ATR: variants seen among roughly 807,000 people sequenced by gnomAD.
ATR encodes serine/threonine-protein kinase ATR.
Under a neutral mutation model 305.3 loss-of-function variants are expected in ATR, and 142 were observed. The observed-to-expected ratio is 0.47, with a 90% CI of 0.41 to 0.53. ATR has a LOEUF of 0.53. Ranked by LOEUF, ATR falls within the 20% of genes least tolerant of loss-of-function variation. ATR has a pLI of 0.00. For synonymous variants in ATR, 1,050 were observed against 1,068.1 expected, an observed-to-expected ratio of 0.98 and a Z score of 0.33; for missense variants, 2,135 against 3,133.1, an observed-to-expected ratio of 0.68 and a Z score of 7.60.
intron 16 of ATR, among the ~76,000 whole-genome samples, chr3:142,545,890 T>C (rs1338442764): frequency 1.3e-5 from 2 of 152,080 alleles, no homozygotes; most frequent in African/African-American, 4.8e-5. Context: ...GAAAAACAGA[T>C]TAGAAAGGGA....
rs764970007 is a variant in ATR, at chr3:142,561,307, G to A, written c.1285C>T (p.Pro429Ser). 2.5e-6 allele frequency: 4 copies of A among 1,613,928 alleles called. No homozygotes were observed. The Admixed American group carries it at 6.7e-5, about 27-fold the overall frequency. The change falls in exon 5 of 47, where the codon CCC (proline) becomes TCC (serine). Residue 429 changes from proline to serine, a missense_variant. Around this residue, in one of 9 missense-constraint regions of ATR, gnomAD observed 744 missense variants for 873.2 expected, o/e 0.85. Transcript: ENST00000350721. ...NLSSNSDGIS[P>S]KRRRLSSSLN... is the part of the protein sequence containing the mutation. ...GACGAGCTGAGACGACGCCTTTTGG[G>A]TGATATTCCATCACTATTACTGCTG...
chr3:142,485,319 T>A (rs749702392), intron 35 of ATR, 37 bp from the exon 36 acceptor site: 1 of 1,611,068 alleles, frequency 6.2e-7, no homozygotes, highest in Non-Finnish European at 8.5e-7. Context: ...CCTAAGGAAA[T>A]CCCACGCTAT....
rs2071169361 is a variant in ATR at position 142,467,971 on chromosome 3, C to A, written c.6650G>T (p.Arg2217Leu). 2 of 1,612,814 alleles carry A rather than the reference C, an allele frequency of 1.2e-6. No homozygotes were observed. Among genetic ancestry groups the A allele is most frequent in the South Asian group, 1.1e-5 (1 of 91,052 alleles). ...SLEKFVGDATRLTDKLLELCN... is the reference protein window; with the variant it reads ...SLEKFVGDATLLTDKLLELCN... ...CAATTCTAGAAGCTTATCTGTTAGG[C>A]GAGTTGCATCTCCAACAAACTTCTC... The change falls in exon 39 of 47, where the codon CGC becomes CTC. Residue 2217 changes from arginine to leucine, a missense_variant. Arg to Leu is a moderately radical substitution (Grantham distance 102). Around this residue, in one of 9 missense-constraint regions of ATR, gnomAD observed 462 missense variants for 887.6 expected, o/e 0.52. Transcript: ENST00000350721.
At chr3:142,451,297 G>GGCCTGTCCTTAT (rs2070784735) in intron 46 of ATR, 1 of 1,234,638 alleles carries the variant, frequency 8.1e-7, no homozygotes, top group Non-Finnish European at 1.0e-6. Flanking sequence ...AAGAGTGTGT[G>GGCCTGTCCTTAT]GGCAAGTTTG....
At chr3:142,507,834 G>T in intron 28 of ATR, 97 bp downstream of exon 28, 1 of 1,157,584 alleles carries the variant, frequency 8.6e-7, no homozygotes, top group Non-Finnish European at 1.2e-6. Flanking sequence ...AAGCTTCTAA[G>T]CATAGCATAT....
chr3:142,510,610 C>T lies in ATR; in HGVS notation c.4852+1650G>A, dbSNP rs142225071. On this transcript the variant is annotated intron_variant, in intron 27 of 46. Transcript: ENST00000350721. The stretch of plus-strand genomic sequence containing the variant: ...AAAAATAATAAACTATTTTGCTTAA[C>T]AACAGGAAAGTATCTGCTTCAACAG... 3.9e-3 allele frequency among the ~76,000 whole-genome samples: 596 copies of T among 152,144 alleles called. 4 individuals are homozygous for T. The highest frequency in any genetic ancestry group is 0.014 in the African/African-American group (574 of 41,534).
At position 142,459,355 on chromosome 3, in the gene ATR, G is replaced by T. The variant is rs2070975205; in HGVS notation, c.7221C>A (p.Arg2407=). ...KGVYMTGKEL[R]QCMLPKSAAL... is the part of the protein sequence containing the mutation. ...CTGCTGACTTTGGTAGCATACACTG[G>T]CGAAGTTCTTTTCCTGTCATATACA... The change falls in exon 43 of 47, where the codon CGC becomes CGA. Residue 2407 remains arginine (R), a synonymous_variant. Coordinates refer to ENST00000350721, the MANE Select transcript of ATR (RefSeq NM_001184.4). The T allele has an allele frequency of 6.2e-7, 1 of 1,613,884 alleles. No homozygotes were observed.
chr3:142,578,526 G>A, intron 1 of ATR, 120 bp downstream of exon 1: 3 of 1,193,876 alleles, frequency 2.5e-6, no homozygotes, highest in Non-Finnish European at 3.5e-6. Flanking sequence ...ATCTCCACAA[G>A]GGCCGCAGCG....
In ATR at chr3:142,517,242, C is replaced by A. The variant is rs184611810; in HGVS notation, c.4383-1727G>T. ...CTGATGTTTTCTCCTAAAGTTATTTCTATGGTGATTTTGAACTGCAGTTGT... is the reference window on the plus strand; with the variant it reads ...CTGATGTTTTCTCCTAAAGTTATTTATATGGTGATTTTGAACTGCAGTTGT... On this transcript the variant is annotated intron_variant, in intron 24 of 46. Transcript: ENST00000350721. Among the ~76,000 whole-genome samples, 84 of 151,266 alleles carry A rather than the reference C, an allele frequency of 5.6e-4. 1 individual carries two copies. The highest frequency in any genetic ancestry group is 2.0e-3 in the African/African-American group (82 of 41,238).
intron 35 of ATR, among the ~76,000 whole-genome samples, chr3:142,492,430 G>A (rs1235601866): frequency 2.0e-5 from 3 of 152,106 alleles, no homozygotes; most frequent in Non-Finnish European, 4.4e-5. Context: ...GGTATTCAGC[G>A]AACACAATTC....
At chr3:142,467,451 A>G (rs747652284) in intron 39 of ATR, among the ~76,000 whole-genome samples, 6 of 152,166 alleles carry the variant, frequency 3.9e-5, no homozygotes, top group Non-Finnish European at 5.9e-5. Context: ...CCCTTAGCAT[A>G]GTGCTTGTCC....
intron 21 of ATR, among the ~76,000 whole-genome samples, chr3:142,530,763 C>T (rs893132614): frequency 1.2e-4 from 19 of 152,054 alleles, no homozygotes; most frequent in African/African-American, 4.3e-4. Flanking sequence ...AAGAGTGCCT[C>T]TCCTCTCCTC....
chr3:142,492,024 TAC>T (rs1191173403), intron 35 of ATR, among the ~76,000 whole-genome samples: 1 of 152,266 alleles, frequency 6.6e-6, no homozygotes, highest in Non-Finnish European at 1.5e-5. Flanking sequence ...GATATATTTT[TAC>T]ATTGTCAAGT....
At chr3:142,514,941 T>G (rs1042016220) in intron 25 of ATR, among the ~76,000 whole-genome samples, 1 of 151,688 alleles carries the variant, frequency 6.6e-6, no homozygotes, top group Non-Finnish European at 1.5e-5. Flanking sequence ...ATTAAGGAAA[T>G]AGAAATATAC....
chr3:142,505,366 T>TA, intron 28 of ATR, 63 bp from the exon 29 acceptor site: 3 of 1,584,864 alleles, frequency 1.9e-6, no homozygotes, highest in Middle Eastern at 1.7e-4. Context: ...AATAAAACTA[T>TA]AAAACCACCT....
At chr3:142,453,987 A>T (rs2070847113) in intron 45 of ATR, among the ~76,000 whole-genome samples, 1 of 152,164 alleles carries the variant, frequency 6.6e-6, no homozygotes, top group Admixed American at 6.5e-5. Context: ...TACAAATCAG[A>T]TTATCTCTTT....
rs76772803 is a variant in ATR, at chr3:142,491,865, A to G, written c.6078+1267T>C. On this transcript the variant is annotated intron_variant, in intron 35 of 46. Coordinates refer to ENST00000350721, the MANE Select transcript of ATR (RefSeq NM_001184.4). ...TCTCATCATGCTCTTATTTTTGTTT[A>G]TGTTCTTAAACTTATGGAGCCTATA... Among the ~76,000 whole-genome samples, 701 of 152,002 alleles carry G rather than the reference A, an allele frequency of 4.6e-3. 8 individuals are homozygous for G. The highest frequency in any genetic ancestry group is 0.016 in the African/African-American group (682 of 41,458).
chr3:142,489,924 G>A (rs1440227545), intron 35 of ATR, among the ~76,000 whole-genome samples: 2 of 152,162 alleles, frequency 1.3e-5, no homozygotes, highest in Admixed American at 1.3e-4. Context: ...CCATTTTAGT[G>A]TGTAATGTGT....
In ATR at chr3:142,553,816, A is replaced by G. The variant is rs1351559130; in HGVS notation, c.2532+9T>C. The G allele has an allele frequency of 6.2e-7, 1 of 1,613,296 alleles. No homozygotes were observed. Among genetic ancestry groups the G allele is most frequent in the Admixed American group, 1.7e-5 (1 of 60,026 alleles). On this transcript the variant is annotated intron_variant, in intron 11 of 46. Transcript: ENST00000350721. ...GTAAACTCAAATGTTAAAAACAAAA[A>G]TTATCAACCTCCTTTATAAATCCAT...
Sources: gnomAD v4.1 joint callset for allele counts (sites outside exome capture counted in the v4.1 genomes callset) on GRCh38, gnomAD v4.1.1 for gene constraint, gnomAD v4.1.1 regional missense constraint, MANE v1.5 for transcripts, NCBI Gene and HGNC (gene_info 2026-07-23, HGNC 2026-07-21) for gene names.